The following GRM7 variants were observed in gnomAD, a reference collection of about 807,000 sequenced individuals.
The protein encoded by GRM7 is glutamate metabotropic receptor 7, also known as metabotropic glutamate receptor 7.
In GRM7, 35 loss-of-function variants were observed where a neutral mutation model predicts 84.5. The observed-to-expected ratio is 0.41, with a 90% CI of 0.32 to 0.55. GRM7 has a LOEUF of 0.55. GRM7 is among the 20% of genes least tolerant of loss of function. GRM7 has a pLI of 0.19. For synonymous variants in GRM7, 487 were observed against 455.1 expected (o/e 1.07, Z -0.89); for missense variants, 1,003 against 1,194.6 (o/e 0.84, Z 2.36).
At chr3:7,498,101 A>G (rs1699765141) in intron 7 of GRM7, among the ~76,000 whole-genome samples, 1 of 152,216 alleles carries the variant, frequency 6.6e-6, no homozygotes, top group African/African-American at 2.4e-5. Context: ...TCAAGTATAT[A>G]CAAAAATAGC....
intron 8 of GRM7, among the ~76,000 whole-genome samples, chr3:7,677,306 C>T (rs928719458): frequency 1.4e-5 from 2 of 143,990 alleles, no homozygotes; most frequent in Non-Finnish European, 3.0e-5. Flanking sequence ...TTACATATTA[C>T]TTATTAATAC....
intron 7 of GRM7, among the ~76,000 whole-genome samples, chr3:7,468,562 A>G (rs888813709): frequency 6.6e-6 from 1 of 152,204 alleles, no homozygotes; most frequent in Non-Finnish European, 1.5e-5. Context: ...AGCAACAAAA[A>G]TAACAATAAT....
intron 9 of GRM7, among the ~76,000 whole-genome samples, chr3:7,692,845 T>G (rs1003981891): frequency 1.3e-5 from 2 of 152,070 alleles, no homozygotes; most frequent in African/African-American, 4.8e-5. Flanking sequence ...TCATCATCAT[T>G]TCTTCTTCTC....
At chr3:6,927,455 A>G (rs915251162) in intron 1 of GRM7, among the ~76,000 whole-genome samples, 5 of 101,684 alleles carry the variant, frequency 4.9e-5, no homozygotes, top group South Asian at 3.3e-4. Context: ...AGAAGAAAGA[A>G]AGAGAGAGAG....
At chr3:7,526,643 T>A (rs548782616) in intron 7 of GRM7, among the ~76,000 whole-genome samples, 1 of 152,034 alleles carries the variant, frequency 6.6e-6, no homozygotes, top group Non-Finnish European at 1.5e-5. Context: ...TCTTGCAGGA[T>A]TTTTATAGTT....
chr3:7,464,842 A>T (rs1370181738), intron 7 of GRM7, among the ~76,000 whole-genome samples: 1 of 151,068 alleles, frequency 6.6e-6, no homozygotes, highest in African/African-American at 2.4e-5. Context: ...AAAAAAAAAA[A>T]AAAATTAACT....
intron 7 of GRM7, among the ~76,000 whole-genome samples, chr3:7,472,170 C>T (rs1311457690): frequency 2.6e-5 from 4 of 152,190 alleles, no homozygotes; most frequent in African/African-American, 9.7e-5. Context: ...CACCTTCTGC[C>T]ATGAGTGCAG....
chr3:7,094,610 C>A (rs1369897334), intron 1 of GRM7, among the ~76,000 whole-genome samples: 2 of 152,146 alleles, frequency 1.3e-5, no homozygotes, highest in Non-Finnish European at 2.9e-5. Context: ...ATTCACTTAT[C>A]ACATGAAAAC....
chr3:7,686,438 CT>C, intron 9 of GRM7: 1 of 1,450,206 alleles, frequency 6.9e-7, no homozygotes, highest in Non-Finnish European at 9.7e-7. Context: ...CTTTTGACTG[CT>C]TTCCCAAAGG....
chr3:7,650,230 A>AAAAC (rs1207980282), intron 8 of GRM7, among the ~76,000 whole-genome samples: 1 of 152,238 alleles, frequency 6.6e-6, no homozygotes, highest in Non-Finnish European at 1.5e-5. Flanking sequence ...CTACAGAGTG[A>AAAAC]AAACACTCTC....
chr3:7,718,103 T>C (rs1186830796), intron 9 of GRM7, among the ~76,000 whole-genome samples: 6 of 152,152 alleles, frequency 3.9e-5, no homozygotes, highest in African/African-American at 1.4e-4. Flanking sequence ...GAGTTATACT[T>C]AACCTCTCTG....
In GRM7 at chr3:6,959,335, T is replaced by C. The variant is rs569505210; in HGVS notation, c.519+97428T>C. Among the ~76,000 whole-genome samples, 3 of 152,320 alleles carry C rather than the reference T, an allele frequency of 2.0e-5. No individual in the cohort carries two copies. The East Asian group carries it at 5.8e-4, about 29-fold the overall frequency. Reference sequence around the variant, plus strand: ...ATTTTTACCTATGTAAAAATAATAATAAATTTTAAAAGAATTCCATCAAAA... The same window carrying C: ...ATTTTTACCTATGTAAAAATAATAACAAATTTTAAAAGAATTCCATCAAAA... On this transcript the variant is annotated intron_variant, in intron 1 of 9. Coordinates refer to ENST00000357716, the MANE Select transcript of GRM7 (RefSeq NM_000844.4).
intron 2 of GRM7, among the ~76,000 whole-genome samples, chr3:7,154,696 T>G (rs1443817753): frequency 6.6e-6 from 1 of 152,112 alleles, no homozygotes; most frequent in Non-Finnish European, 1.5e-5. Context: ...AGCCATGGAA[T>G]TTCTTGGTTA....
Position 7,080,087 on chromosome 3 carries a change from G to A in GRM7, c.520-66365G>A, listed in dbSNP as rs117041497. Among the ~76,000 whole-genome samples, 66 of 152,074 alleles carry A rather than the reference G, an allele frequency of 4.3e-4. No individual in the cohort carries two copies. The East Asian group carries it at 0.012, about 29-fold the overall frequency. ...GCAACTTCCTTATGCTTCCCCATTA[G>A]CATCTTTTTTATAGTGTCTTTATTT... On this transcript the variant is annotated intron_variant, in intron 1 of 9. Coordinates refer to ENST00000357716, the MANE Select transcript of GRM7 (RefSeq NM_000844.4).
At chr3:7,273,195 G>T (rs920886355) in intron 2 of GRM7, among the ~76,000 whole-genome samples, 13 of 151,308 alleles carry the variant, frequency 8.6e-5, no homozygotes, top group Non-Finnish European at 1.5e-4. Flanking sequence ...TGATTCTATT[G>T]TGGTCTAAAT....
intron 1 of GRM7, among the ~76,000 whole-genome samples, chr3:7,115,593 G>A (rs1299894996): frequency 6.6e-6 from 1 of 152,106 alleles, no homozygotes; most frequent in Admixed American, 6.6e-5. Flanking sequence ...TAAATCAAGG[G>A]AAGGGCTAAT....
At chr3:7,626,660 T>C (rs755491908) in intron 8 of GRM7, among the ~76,000 whole-genome samples, 83 of 152,174 alleles carry the variant, frequency 5.5e-4, no homozygotes, top group Non-Finnish European at 8.8e-4. Context: ...CTTCTGTATG[T>C]GTCCAAAGTT....
intron 9 of GRM7, among the ~76,000 whole-genome samples, chr3:7,730,499 G>A (rs188164733): frequency 6.1e-4 from 93 of 152,302 alleles, no homozygotes; most frequent in African/African-American, 2.1e-3. Context: ...TCGAGGATAT[G>A]GACTATTTTT....
intron 1 of GRM7, among the ~76,000 whole-genome samples, chr3:7,085,134 T>C (rs979469059): frequency 6.6e-6 from 1 of 152,182 alleles, no homozygotes; most frequent in Non-Finnish European, 1.5e-5. Context: ...AGGATCCTAA[T>C]AGTCTGTGAA....
Sources: gnomAD v4.1 joint callset for allele counts (sites outside exome capture counted in the v4.1 genomes callset) on GRCh38, gnomAD v4.1.1 for gene constraint, MANE v1.5 for transcripts, NCBI Gene and HGNC (gene_info 2026-07-23, HGNC 2026-07-21) for gene names.